Variants in MAPK10 observed in about 807,000 individuals in gnomAD.
MAPK10 encodes the protein mitogen-activated protein kinase 10.
In MAPK10, 25 loss-of-function variants were observed where a neutral mutation model predicts 59.3. The observed-to-expected ratio is 0.42, with a 90% CI of 0.31 to 0.59. MAPK10 has a LOEUF of 0.59. MAPK10 is among the 20% of genes least tolerant of loss of function. MAPK10 has a pLI of 0.15. For synonymous variants in MAPK10, 190 were observed against 200.5 expected, an observed-to-expected ratio of 0.95 and a Z score of 0.44; for missense variants, 351 against 568.9, an observed-to-expected ratio of 0.62 and a Z score of 3.90.
chr4:86,345,818 T>A lies in MAPK10; in HGVS notation c.-7+8712A>T, dbSNP rs184426895. On this transcript the variant is annotated intron_variant, in intron 2 of 13. Transcript: ENST00000641462. ...TATATATTCCTGCAGTGTCCTGCTA[T>A]TTTAATGCACCATATTTATTCAAAT... Among the ~76,000 whole-genome samples the A allele has an allele frequency of 3.2e-3, 481 of 152,356 alleles. 2 individuals are homozygous for A. The highest frequency in any genetic ancestry group is 0.011 in the African/African-American group (454 of 41,580).
chr4:86,027,468 T>C (rs1750939917), intron 13 of MAPK10: 1 of 152,180 alleles, frequency 6.6e-6, no homozygotes, highest in Admixed American at 6.5e-5. Context: ...ATGTGAAGCA[T>C]GAAAAAATGC....
intron 2 of MAPK10, among the ~76,000 whole-genome samples, chr4:86,213,909 T>C (rs779771856): frequency 6.6e-6 from 1 of 151,980 alleles, no homozygotes; most frequent in Non-Finnish European, 1.5e-5. Flanking sequence ...CAGACAAAGA[T>C]ATTACAAGAA....
At chr4:86,500,010 T>A (rs910328696) in intron 1 of MAPK10, among the ~76,000 whole-genome samples, 3 of 152,188 alleles carry the variant, frequency 2.0e-5, no homozygotes, top group African/African-American at 4.8e-5. Context: ...AGCTACCATA[T>A]AAGCCTCTCT....
intron 1 of MAPK10, among the ~76,000 whole-genome samples, chr4:86,472,880 C>G (rs1752769191): frequency 6.6e-6 from 1 of 152,134 alleles, no homozygotes; most frequent in South Asian, 2.1e-4. Context: ...GGGCGTACCC[C>G]AGGGAGAGGG....
At chr4:86,071,581 G>C (rs1406836165) in intron 9 of MAPK10, among the ~76,000 whole-genome samples, 1 of 149,632 alleles carries the variant, frequency 6.7e-6, no homozygotes, top group Non-Finnish European at 1.5e-5. Flanking sequence ...AAGGTGTAAG[G>C]AAGGGATCCA....
chr4:86,401,689 C>T (rs1743748816), intron 1 of MAPK10, among the ~76,000 whole-genome samples: 1 of 152,058 alleles, frequency 6.6e-6, no homozygotes, highest in South Asian at 2.1e-4. Flanking sequence ...ATTAATATGA[C>T]CCTAAAGAAA....
intron 9 of MAPK10, among the ~76,000 whole-genome samples, chr4:86,075,300 T>A (rs910582976): frequency 4.9e-4 from 75 of 152,104 alleles, no homozygotes; most frequent in African/African-American, 1.8e-3. Context: ...TTCTTCTAAA[T>A]TTTTTTCAAA....
chr4:86,029,782 C>T (rs908472304), intron 12 of MAPK10, among the ~76,000 whole-genome samples: 5 of 151,782 alleles, frequency 3.3e-5, no homozygotes, highest in East Asian at 1.9e-4. Context: ...AAATTATTAC[C>T]AATCCTTACA....
chr4:86,314,015 C>A (rs916538575), intron 2 of MAPK10, among the ~76,000 whole-genome samples: 3 of 98,662 alleles, frequency 3.0e-5, no homozygotes, highest in African/African-American at 9.0e-5. Flanking sequence ...AAAGATCAGA[C>A]TACAGCCACA....
At chr4:86,564,116 G>A (rs771780881) in intron 1 of MAPK10, among the ~76,000 whole-genome samples, 6 of 152,162 alleles carry the variant, frequency 3.9e-5, no homozygotes, top group Non-Finnish European at 7.4e-5. Flanking sequence ...ACAGGCATAA[G>A]CCACCACGCC....
At chr4:86,350,489 C>T (rs1054772993) in intron 2 of MAPK10, among the ~76,000 whole-genome samples, 5 of 152,136 alleles carry the variant, frequency 3.3e-5, no homozygotes, top group Admixed American at 3.3e-4. Flanking sequence ...GCTGGGATTA[C>T]AGGCGTGAGC....
intron 9 of MAPK10, among the ~76,000 whole-genome samples, chr4:86,097,365 T>C (rs147795914): frequency 6.1e-4 from 93 of 152,120 alleles, no homozygotes; most frequent in African/African-American, 2.1e-3. Context: ...CTTATTATGG[T>C]ACCCACTTCT....
At chr4:86,352,820 A>G (rs1457080904) in intron 2 of MAPK10, among the ~76,000 whole-genome samples, 1 of 152,194 alleles carries the variant, frequency 6.6e-6, no homozygotes, top group Non-Finnish European at 1.5e-5. Context: ...TCAATCTCCT[A>G]TTTAAAATCT....
chr4:86,205,103 T>C lies in MAPK10; in HGVS notation c.-6-10696A>G, dbSNP rs562412012. Among the ~76,000 whole-genome samples, 75 of 152,036 alleles carry C rather than the reference T, an allele frequency of 4.9e-4. 1 individual carries two copies. Among genetic ancestry groups the C allele is most frequent in the African/African-American group, 1.8e-3 (73 of 41,516 alleles). On this transcript the variant is annotated intron_variant, in intron 2 of 13. Coordinates refer to ENST00000641462, the MANE Select transcript of MAPK10 (RefSeq NM_138982.4). ...GCTATAAGCTATCATGACTAAGCCA[T>C]AACACAGAGCCGTTGAAAGAGATTT...
At chr4:86,319,707 C>T (rs2095853943) in intron 2 of MAPK10, among the ~76,000 whole-genome samples, 1 of 152,174 alleles carries the variant, frequency 6.6e-6, no homozygotes, top group African/African-American at 2.4e-5. Flanking sequence ...AGCCCTTGAA[C>T]AAGCCCATTC....
chr4:86,321,177 C>T (rs958556810), intron 2 of MAPK10, among the ~76,000 whole-genome samples: 2 of 151,924 alleles, frequency 1.3e-5, no homozygotes, highest in African/African-American at 2.4e-5. Context: ...GTCAGTGTGG[C>T]GATTCCTCAA....
rs2149110468 is a variant in MAPK10, at chr4:86,576,715, C to T, written c.-263+17195G>A. ...GCATGAACCCGGGAGGCGGAGCTTG[C>T]AGTGAGCCGAGATCGCGCCACTGTA... On this transcript the variant is annotated intron_variant, in intron 1 of 4. Transcript: ENST00000502302. Among the ~76,000 whole-genome samples the T allele has an allele frequency of 2.0e-5, 3 of 151,586 alleles. No individual in the cohort carries two copies. In the South Asian group the frequency reaches 6.2e-4, roughly 32 times the overall value.
rs1742232315 is a variant in MAPK10 at position 86,013,926 on chromosome 4, T to C, written c.*3302A>G. 1 of 152,174 alleles carries C rather than the reference T, an allele frequency of 6.6e-6. No individual in the cohort carries two copies. The highest frequency in any genetic ancestry group is 6.5e-5 in the Admixed American group (1 of 15,276). 9.4% of individuals were successfully genotyped at this position (152,174 alleles called of 1,614,324 possible). On this transcript the variant is annotated 3_prime_UTR_variant, in exon 14 of 14. Coordinates refer to ENST00000641462, the MANE Select transcript of MAPK10 (RefSeq NM_138982.4). ...AAATTCCGTTGTAAGGCTAGTGTAT[T>C]CCTATTTAAAATTGAACACGCTGAC...
chr4:86,189,003 A>G (rs961742411), intron 3 of MAPK10, among the ~76,000 whole-genome samples: 4 of 152,222 alleles, frequency 2.6e-5, no homozygotes, highest in Admixed American at 6.5e-5. Flanking sequence ...CATTTATTAA[A>G]TAGGGAATCC....
Sources: allele counts gnomAD v4.1 joint callset (sites outside exome capture counted in the v4.1 genomes callset), GRCh38; gene constraint gnomAD v4.1.1; transcripts MANE v1.5; gene names NCBI Gene and HGNC (gene_info 2026-07-23, HGNC 2026-07-21).